Variants in NPSR1 observed in about 807,000 individuals in gnomAD.
NPSR1 encodes the protein neuropeptide S receptor.
NPSR1 carries 48 observed loss-of-function variants against 46.9 expected under a neutral mutation model. The observed-to-expected ratio is 1.02, with a 90% CI of 0.81 to 1.30. NPSR1 has a LOEUF of 1.30. NPSR1 is among the 50% of genes most tolerant of loss of function. NPSR1 has a pLI of 0.00. For synonymous variants in NPSR1, 176 were observed against 168.1 expected, an observed-to-expected ratio of 1.05 and a Z score of -0.36; for missense variants, 450 against 449.5, an observed-to-expected ratio of 1.00 and a Z score of -0.01.
At chr7:34,702,230 G>A (rs1341921388) in intron 2 of NPSR1, among the ~76,000 whole-genome samples, 1 of 152,216 alleles carries the variant, frequency 6.6e-6, no homozygotes, top group East Asian at 1.9e-4. Context: ...GAAGGACAGA[G>A]GGGCTCATAT....
intron 1 of NPSR1, among the ~76,000 whole-genome samples, chr7:34,673,121 C>T (rs1792139684): frequency 6.6e-6 from 1 of 152,168 alleles, no homozygotes; most frequent in African/African-American, 2.4e-5. Context: ...TAGGCTATAC[C>T]TGCTGACCAA....
At chr7:34,774,526 T>C (rs1401452307) in intron 2 of NPSR1, among the ~76,000 whole-genome samples, 1 of 152,210 alleles carries the variant, frequency 6.6e-6, no homozygotes, top group Non-Finnish European at 1.5e-5. Context: ...GGTGCCCCAT[T>C]ATCAGCTGTT....
At chr7:34,852,446 G>C (rs1429707626), downstream of NPSR1, among the ~76,000 whole-genome samples, 5 of 152,058 alleles carry the variant, frequency 3.3e-5, no homozygotes, top group African/African-American at 7.2e-5. Context: ...CTGCAAGATG[G>C]GGACAAAATC....
chr7:34,785,246 T>C (rs578040563), intron 3 of NPSR1, among the ~76,000 whole-genome samples: 7 of 150,778 alleles, frequency 4.6e-5, no homozygotes, highest in South Asian at 2.1e-4. Flanking sequence ...ACGGATGAAA[T>C]TGGAAATCAT....
chr7:34,774,231 T>C (rs1786834009), intron 2 of NPSR1, among the ~76,000 whole-genome samples: 4 of 152,228 alleles, frequency 2.6e-5, no homozygotes, highest in Admixed American at 2.0e-4. Flanking sequence ...TAACCCATTG[T>C]CAGCCAGGAT....
At chr7:34,802,345 A>C (rs1385027757) in intron 3 of NPSR1, among the ~76,000 whole-genome samples, 4 of 150,304 alleles carry the variant, frequency 2.7e-5, no homozygotes, top group Non-Finnish European at 5.9e-5. Flanking sequence ...CCAAAACAGC[A>C]TGGTACTGGT....
chr7:34,778,562 G>A lies in NPSR1; in HGVS notation c.381G>A (p.Leu127=). 6.2e-7 allele frequency: 1 copy of A among 1,601,164 alleles called. No homozygotes were observed. The highest frequency in any genetic ancestry group is 1.1e-5 in the South Asian group (1 of 90,642). Residue 127 remains leucine (L), a synonymous_variant, in exon 3 of 9, where the codon TTG becomes TTA. Coordinates refer to ENST00000360581, the MANE Select transcript of NPSR1 (RefSeq NM_207172.2). ...TGGTTTGCCGAGTGGTCCGCTATTT[G>A]CAGGTATGTCACACCTTCCAAATGT... ...PDLVCRVVRY[L]QVVLLYASTY...
Position 34,699,729 on chromosome 7 carries a change from C to G in NPSR1, c.280+15045C>G, listed in dbSNP as rs1247889919. Among the ~76,000 whole-genome samples the G allele has an allele frequency of 2.0e-5, 3 of 152,126 alleles. No individual in the cohort carries two copies. In the East Asian group the frequency reaches 5.8e-4, roughly 29 times the overall value. ...GGAATCAGGGCCCCACCCTTGTTAACCTTAATTATTTCCACAGAGGTCATA... is the reference window on the plus strand; with the variant it reads ...GGAATCAGGGCCCCACCCTTGTTAAGCTTAATTATTTCCACAGAGGTCATA... On this transcript the variant is annotated intron_variant, in intron 2 of 8. Transcript: ENST00000360581.
intron 2 of NPSR1, among the ~76,000 whole-genome samples, chr7:34,702,152 G>A (rs1357689009): frequency 6.6e-6 from 1 of 152,148 alleles, no homozygotes; most frequent in Non-Finnish European, 1.5e-5. Flanking sequence ...ATGGCGGTTG[G>A]TTCAAGATGA....
chr7:34,683,761 C>T (rs1792780290), intron 1 of NPSR1, among the ~76,000 whole-genome samples: 1 of 152,076 alleles, frequency 6.6e-6, no homozygotes, highest in South Asian at 2.1e-4. Flanking sequence ...TCCACTCCCA[C>T]AATAACAACA....
At chr7:34,872,265 T>C (rs1158717467) in intron 8 of NPSR1, among the ~76,000 whole-genome samples, 1 of 151,978 alleles carries the variant, frequency 6.6e-6, no homozygotes, top group African/African-American at 2.4e-5. Flanking sequence ...GTGGCCAGGA[T>C]GCAGGGAGCA....
chr7:34,875,256 A>G (rs1022576800), intron 8 of NPSR1, among the ~76,000 whole-genome samples: 2 of 152,184 alleles, frequency 1.3e-5, no homozygotes, highest in East Asian at 1.9e-4. Flanking sequence ...CTTTGCTAGT[A>G]AAAAACAGGG....
At chr7:34,667,511 T>A (rs1791809641) in intron 1 of NPSR1, among the ~76,000 whole-genome samples, 1 of 152,120 alleles carries the variant, frequency 6.6e-6, no homozygotes, top group Admixed American at 6.6e-5. Flanking sequence ...GCCTCTCCAC[T>A]TTCCCCGCCT....
intron 2 of NPSR1, among the ~76,000 whole-genome samples, chr7:34,721,569 C>G (rs1669422743): frequency 6.6e-6 from 1 of 152,154 alleles, no homozygotes; most frequent in South Asian, 2.1e-4. Flanking sequence ...ATGCCAGGCC[C>G]TGCAATTAGA....
intron 8 of NPSR1, 115 bp from the exon 9 acceptor site, chr7:34,849,450 G>C: frequency 6.3e-7 from 1 of 1,599,320 alleles, no homozygotes; most frequent in Non-Finnish European, 8.6e-7. Flanking sequence ...AAAGTGCCTG[G>C]CACAGTTGTC....
intron 4 of NPSR1, among the ~76,000 whole-genome samples, chr7:34,819,563 T>A (rs1468227704): frequency 2.6e-5 from 4 of 152,200 alleles, no homozygotes; most frequent in Non-Finnish European, 1.5e-5. Context: ...ATCTTATTAC[T>A]GGTATATACC....
intron 1 of NPSR1, among the ~76,000 whole-genome samples, chr7:34,679,937 T>TA (rs1173474028): frequency 6.6e-6 from 1 of 151,742 alleles, no homozygotes; most frequent in East Asian, 1.9e-4. Context: ...ACAAATGAGA[T>TA]AAAAAATATC....
intron 2 of NPSR1, among the ~76,000 whole-genome samples, chr7:34,715,451 C>A (rs534308664): frequency 6.6e-6 from 1 of 152,346 alleles, no homozygotes; most frequent in East Asian, 1.9e-4. Context: ...CCCTACAGAA[C>A]CTTCTGTCTG....
chr7:34,704,269 A>T (rs911129118), intron 2 of NPSR1: 4 of 151,994 alleles, frequency 2.6e-5, no homozygotes, highest in African/African-American at 9.7e-5. Flanking sequence ...TGAAGACTGA[A>T]TTTTTTCTGA....
Sources: gnomAD v4.1 joint callset for allele counts (sites outside exome capture counted in the v4.1 genomes callset) on GRCh38, gnomAD v4.1.1 for gene constraint, MANE v1.5 for transcripts, NCBI Gene and HGNC (gene_info 2026-07-23, HGNC 2026-07-21) for gene names.